KCTD16: variants seen among roughly 807,000 people sequenced by gnomAD.
KCTD16 encodes the protein BTB/POZ domain-containing protein KCTD16.
Under a neutral mutation model 33.2 loss-of-function variants are expected in KCTD16, and 13 were observed. The ratio of observed to expected loss-of-function variants is 0.39; its 90% CI spans 0.25 to 0.62. The LOEUF (loss-of-function observed/expected upper bound fraction) is 0.62, where lower values mean the gene tolerates loss of function less well. Among genes scored for constraint, KCTD16 ranks in the 20% least tolerant of loss-of-function variants. The pLI is 0.50. For missense variants in KCTD16, 441 were observed against 525.1 expected, an observed-to-expected ratio of 0.84 and a Z score of 1.57; for synonymous variants, 197 against 195.3, an observed-to-expected ratio of 1.01 and a Z score of -0.07.
At chr5:144,371,010 A>G (rs1315927829) in intron 3 of KCTD16, among the ~76,000 whole-genome samples, 1 of 152,078 alleles carries the variant, frequency 6.6e-6, no homozygotes, top group East Asian at 1.9e-4. Context: ...CATGGATGCC[A>G]TCATCTCAGA....
intron 3 of KCTD16, among the ~76,000 whole-genome samples, chr5:144,450,359 A>G (rs1389700220): frequency 6.6e-6 from 1 of 152,062 alleles, no homozygotes; most frequent in African/African-American, 2.4e-5. Flanking sequence ...AAAGTGTAAA[A>G]TGTTGCAACA....
rs1327064461 is a variant in KCTD16 at position 144,483,942 on chromosome 5, G to A, written c.*9828G>A. 1.3e-5 allele frequency: 2 copies of A among 151,900 alleles called. No homozygotes were observed. Among genetic ancestry groups the A allele is most frequent in the Admixed American group, 6.6e-5 (1 of 15,240 alleles). The allele number at this position is 151,900 out of a possible 1,614,324, so 9.4% of individuals were successfully genotyped here. A position where few individuals can be genotyped will look rare whatever the true frequency, so the allele number is the denominator to read the frequency against. On this transcript the variant is annotated 3_prime_UTR_variant, in exon 4 of 4. Transcript: ENST00000512467. ...ATCCATTTTTTTAAAGCAATGAAATGTTCTAATTAGGTTTGAGGACATTTG... is the reference window on the plus strand; with the variant it reads ...ATCCATTTTTTTAAAGCAATGAAATATTCTAATTAGGTTTGAGGACATTTG...
intron 3 of KCTD16, among the ~76,000 whole-genome samples, chr5:144,278,899 C>T (rs572062384): frequency 5.9e-4 from 90 of 152,182 alleles, no homozygotes; most frequent in African/African-American, 1.9e-3. Context: ...AGATCAATTT[C>T]GGGGAGATTT....
chr5:144,458,838 T>C (rs1009736016), intron 3 of KCTD16, among the ~76,000 whole-genome samples: 1 of 152,168 alleles, frequency 6.6e-6, no homozygotes, highest in East Asian at 1.9e-4. Flanking sequence ...CTCCCTGTTG[T>C]AGAGAACCCA....
At chr5:144,450,773 T>A (rs2126984485) in intron 3 of KCTD16, among the ~76,000 whole-genome samples, 2 of 152,176 alleles carry the variant, frequency 1.3e-5, no homozygotes, top group East Asian at 3.9e-4. Context: ...GAGAATACAA[T>A]GGTAGTTACT....
intron 3 of KCTD16, among the ~76,000 whole-genome samples, chr5:144,305,643 A>G (rs1396786131): frequency 6.6e-6 from 1 of 151,826 alleles, no homozygotes; most frequent in African/African-American, 2.4e-5. Flanking sequence ...GTGAAACCCC[A>G]TCTCTACTAA....
chr5:144,306,981 T>C (rs17101761), intron 3 of KCTD16, among the ~76,000 whole-genome samples: 12,923 of 152,210 alleles, frequency 0.085, 1,346 homozygotes, highest in African/African-American at 0.24. Context: ...TATCCTGAAA[T>C]AGTTTATGGC....
intron 3 of KCTD16, among the ~76,000 whole-genome samples, chr5:144,401,519 G>T (rs1354342072): frequency 3.9e-5 from 6 of 152,144 alleles, no homozygotes; most frequent in Non-Finnish European, 5.9e-5. Flanking sequence ...CTCTGATTTA[G>T]CTGATGGCTC....
chr5:144,256,520 C>T (rs1009795679), intron 3 of KCTD16, among the ~76,000 whole-genome samples: 1 of 151,962 alleles, frequency 6.6e-6, no homozygotes, highest in African/African-American at 2.4e-5. Flanking sequence ...GTAAACATAC[C>T]CATAAGGTTC....
intron 3 of KCTD16, among the ~76,000 whole-genome samples, chr5:144,240,377 G>T (rs888192619): frequency 6.6e-6 from 1 of 151,702 alleles, no homozygotes; most frequent in East Asian, 1.9e-4. Flanking sequence ...ATTTCAGTGT[G>T]TATTTTTTCT....
intron 3 of KCTD16, among the ~76,000 whole-genome samples, chr5:144,455,550 T>G (rs1188667379): frequency 6.6e-6 from 1 of 152,148 alleles, no homozygotes; most frequent in Non-Finnish European, 1.5e-5. Context: ...AACTACTGTG[T>G]TCAGTCTTAT....
intron 3 of KCTD16, among the ~76,000 whole-genome samples, chr5:144,352,894 C>G (rs1751477782): frequency 6.6e-6 from 1 of 152,184 alleles, no homozygotes. Context: ...GATACCAACA[C>G]TCACTTCTGA....
At chr5:144,441,680 A>G (rs1413942718) in intron 3 of KCTD16, among the ~76,000 whole-genome samples, 2 of 151,802 alleles carry the variant, frequency 1.3e-5, no homozygotes, top group African/African-American at 4.8e-5. Flanking sequence ...ATTTATTTAT[A>G]TGTCTATCCT....
chr5:144,400,795 A>G (rs1752685575), intron 3 of KCTD16, among the ~76,000 whole-genome samples: 1 of 152,224 alleles, frequency 6.6e-6, no homozygotes, highest in Non-Finnish European at 1.5e-5. Context: ...TGGTTGGCAA[A>G]TTCAGATTGG....
intron 3 of KCTD16, among the ~76,000 whole-genome samples, chr5:144,399,503 A>G (rs1472668909): frequency 1.3e-5 from 2 of 152,124 alleles, no homozygotes; most frequent in Non-Finnish European, 2.9e-5. Flanking sequence ...TTTGGCCGCC[A>G]TATGAATTAC....
chr5:144,225,059 G>T (rs891826520), intron 3 of KCTD16, among the ~76,000 whole-genome samples: 9 of 152,076 alleles, frequency 5.9e-5, no homozygotes, highest in African/African-American at 2.2e-4. Context: ...CCGAATTCTG[G>T]CATTCTTCAC....
chr5:144,267,916 A>T (rs1755190295), intron 3 of KCTD16, among the ~76,000 whole-genome samples: 2 of 152,210 alleles, frequency 1.3e-5, no homozygotes, highest in Admixed American at 6.5e-5. Flanking sequence ...TTAAAACTAC[A>T]TGAGTGGAGA....
chr5:144,213,259 A>G (rs1360507678), intron 3 of KCTD16, among the ~76,000 whole-genome samples: 1 of 152,092 alleles, frequency 6.6e-6, no homozygotes, highest in South Asian at 2.1e-4. Flanking sequence ...AATATTGCAT[A>G]TAACTTATAT....
intron 3 of KCTD16, among the ~76,000 whole-genome samples, chr5:144,219,513 CTTTTTTTTTTTTTTTT>C (rs59442398): frequency 1.3e-5 from 1 of 77,130 alleles, no homozygotes; most frequent in South Asian, 4.6e-4. Flanking sequence ...TGTGCTGGGC[CTTTTTTTTTTTTTTTT>C]TTTTTTTTTG....
Sources: allele counts gnomAD v4.1 joint callset (sites outside exome capture counted in the v4.1 genomes callset), GRCh38; gene constraint gnomAD v4.1.1; transcripts MANE v1.5; gene names NCBI Gene and HGNC (gene_info 2026-07-23, HGNC 2026-07-21).